Variants in CSN2 observed in about 807,000 individuals in gnomAD.
CSN2 encodes beta-casein.
Under a neutral mutation model 27.3 loss-of-function variants are expected in CSN2, and 27 were observed. The observed-to-expected ratio is 0.99, with a 90% CI of 0.73 to 1.36. The LOEUF (loss-of-function observed/expected upper bound fraction) is 1.36. Ranked by LOEUF, CSN2 falls within the 40% of genes most tolerant of loss-of-function variation. CSN2 has a pLI of 0.00. For missense variants in CSN2, 333 were observed against 264.5 expected, an observed-to-expected ratio of 1.26 and a Z score of -1.80; for synonymous variants, 131 against 94.8, an observed-to-expected ratio of 1.38 and a Z score of -2.22.
Position 69,956,220 on chromosome 4 carries a change from T to G in CSN2, c.*36+94A>C, listed in dbSNP as rs1723391205. On this transcript the variant is annotated intron_variant, in intron 7 of 7. Coordinates refer to ENST00000353151, the MANE Select transcript of CSN2 (RefSeq NM_001891.4). ...AAAAAAAGTTCTTGTATGTATGAAATTTTCACTGTATTGGACTTCTCTAGG... is the reference window on the plus strand; with the variant it reads ...AAAAAAAGTTCTTGTATGTATGAAAGTTTCACTGTATTGGACTTCTCTAGG... 4.6e-6 allele frequency: 4 copies of G among 874,382 alleles called. No individual in the cohort carries two copies. The East Asian group carries it at 1.4e-4, about 31-fold the overall frequency. The allele number at this position is 874,382 out of a possible 1,614,324, so 54.2% of individuals were successfully genotyped here.
chr4:69,962,521 T>C (rs1382883527), intron 1 of CSN2, among the ~76,000 whole-genome samples: 1 of 152,190 alleles, frequency 6.6e-6, no homozygotes, highest in Non-Finnish European at 1.5e-5. Flanking sequence ...CTGGGAAAAC[T>C]GGCTAGCCAT....
At chr4:69,965,408 C>CTA (rs756206077) in intron 1 of CSN2, among the ~76,000 whole-genome samples, 8,681 of 87,722 alleles carry the variant, frequency 0.099, 580 homozygotes, top group African/African-American at 0.14. Context: ...TAGCCTCATA[C>CTA]TATATATATA....
At chr4:69,961,127 T>C in intron 1 of CSN2, 120 bp from the exon 2 acceptor site, 1 of 591,908 alleles carries the variant, frequency 1.7e-6, no homozygotes, top group Non-Finnish European at 3.0e-6. Flanking sequence ...AACAAAAATA[T>C]CTGCATTTAG....
chr4:69,960,515 T>G (rs1207523651), intron 2 of CSN2, among the ~76,000 whole-genome samples: 1 of 151,592 alleles, frequency 6.6e-6, no homozygotes, highest in African/African-American at 2.4e-5. Context: ...TGATTATGAT[T>G]GTCTCTGTAC....
chr4:69,961,033 G>A (rs777669886), intron 1 of CSN2, 26 bp from the exon 2 acceptor site: 9 of 1,556,224 alleles, frequency 5.8e-6, no homozygotes, highest in Non-Finnish European at 7.1e-6. Flanking sequence ...AAATGGAATG[G>A]TGGAAGATTG....
At chr4:69,957,168 T>G in intron 6 of CSN2, 106 bp downstream of exon 6, 2 of 1,166,118 alleles carry the variant, frequency 1.7e-6, no homozygotes, top group Non-Finnish European at 2.4e-6. Flanking sequence ...AAAGAATCAC[T>G]TATCTAAACT....
Position 69,957,819 on chromosome 4 carries a change from A to G in CSN2, c.145-15T>C. ...TGGTGTTCATCCTGGAAAGAAGGAA[A>G]AAGAATCTTTGAGTCCTTGATTAAG... On this transcript the variant is annotated splice_polypyrimidine_tract_variant and intron_variant, in intron 5 of 7. Coordinates refer to ENST00000353151, the MANE Select transcript of CSN2 (RefSeq NM_001891.4). The G allele has an allele frequency of 5.0e-6, 8 of 1,603,380 alleles. No individual in the cohort carries two copies. Among genetic ancestry groups the G allele is most frequent in the Non-Finnish European group, 6.8e-6 (8 of 1,174,100 alleles).
At chr4:69,958,099 G>A (rs964827745) in intron 5 of CSN2, among the ~76,000 whole-genome samples, 13 of 152,292 alleles carry the variant, frequency 8.5e-5, no homozygotes, top group African/African-American at 2.9e-4. Context: ...CTGGATAGCT[G>A]TAGCTGTACA....
chr4:69,958,820 C>A, intron 5 of CSN2, 89 bp downstream of exon 5: 1 of 825,202 alleles, frequency 1.2e-6, no homozygotes, highest in South Asian at 2.2e-5. Context: ...TATTATCATT[C>A]TTTAGAATCA....
chr4:69,957,422 A>C lies in CSN2; in HGVS notation c.527T>G (p.Val176Gly). 2 of 1,613,624 alleles carry C rather than the reference A, an allele frequency of 1.2e-6. No homozygotes were observed. Among genetic ancestry groups the C allele is most frequent in the Non-Finnish European group, 1.7e-6 (2 of 1,179,884 alleles). Residue 176 changes from valine (V) to glycine (G), a missense_variant, in exon 6 of 8, where the codon GTC (valine) becomes GGC (glycine). By Grantham distance (109) the Val-to-Gly change is moderately radical (BLOSUM62 -3). Transcript: ENST00000353151. The stretch of plus-strand genomic sequence containing the variant: ...CACCACTTGCTGGGGGATAGGCAGG[A>C]CTTTGGGCTGAGGAACAGACCACAG... The part of the protein sequence containing the change: ...QPLWSVPQPK[V>G]LPIPQQVVPY...
chr4:69,957,438 C>G lies in CSN2; in HGVS notation c.511G>C (p.Val171Leu), dbSNP rs777393310. Residue 171 changes from valine to leucine, a missense_variant, in exon 6 of 8, where the codon GTT (valine) becomes CTT (leucine). By Grantham distance (32) the Val-to-Leu change is conservative. Coordinates refer to ENST00000353151, the MANE Select transcript of CSN2 (RefSeq NM_001891.4). Reference sequence around the variant, plus strand: ...ATAGGCAGGACTTTGGGCTGAGGAACAGACCACAGGGGCTGAGGGGGAAGT... The same window carrying G: ...ATAGGCAGGACTTTGGGCTGAGGAAGAGACCACAGGGGCTGAGGGGGAAGT... Reference protein sequence around the residue: ...LALPPQPLWSVPQPKVLPIPQ... With the variant: ...LALPPQPLWSLPQPKVLPIPQ... The G allele has an allele frequency of 5.0e-6, 8 of 1,613,470 alleles. No individual in the cohort carries two copies. In the African/African-American group the frequency reaches 9.4e-5, roughly 19 times the overall value.
rs143873382 is a variant in CSN2, at chr4:69,957,728, T to C, written c.221A>G (p.Tyr74Cys). The C allele has an allele frequency of 6.8e-6, 11 of 1,613,670 alleles. No homozygotes were observed. Among genetic ancestry groups the C allele is most frequent in the African/African-American group, 4.0e-5 (3 of 74,816 alleles). ...CAGAATGTTTTGTGGAAGAAAACCA[T>C]AGGGGATAGGTTCAACGAATGGATA... ...LIYPFVEPIPYGFLPQNILPL... is the reference protein window; with the variant it reads ...LIYPFVEPIPCGFLPQNILPL... Residue 74 changes from tyrosine to cysteine, a missense_variant, in exon 6 of 8, where the codon TAT (tyrosine) becomes TGT (cysteine). Tyr to Cys is a radical substitution (Grantham distance 194). Coordinates refer to ENST00000353151, the MANE Select transcript of CSN2 (RefSeq NM_001891.4).
In CSN2 at chr4:69,955,950, G is replaced by T. The variant is rs537062309; in HGVS notation, c.*37-358C>A. Among the ~76,000 whole-genome samples the T allele has an allele frequency of 3.3e-5, 5 of 152,040 alleles. No homozygotes were observed. The South Asian group carries it at 1.0e-3, about 31-fold the overall frequency. On this transcript the variant is annotated intron_variant, in intron 7 of 7. Coordinates refer to ENST00000353151, the MANE Select transcript of CSN2 (RefSeq NM_001891.4). ...GTAAATACAAATTTTATGAAGGCTA[G>T]GTTAGAAATAAAAATGCAAATAGGC...
At chr4:69,964,162 A>T (rs1723714921) in intron 1 of CSN2, among the ~76,000 whole-genome samples, 1 of 152,030 alleles carries the variant, frequency 6.6e-6, no homozygotes, top group Non-Finnish European at 1.5e-5. Context: ...ATGCCACATG[A>T]CTTTAGATAT....
chr4:69,959,018 A>G, intron 4 of CSN2, 31 bp downstream of exon 4: 1 of 1,491,440 alleles, frequency 6.7e-7, no homozygotes, highest in Admixed American at 1.8e-5. Flanking sequence ...GAAATTTTGA[A>G]AATGTGTACA....
At chr4:69,963,755 CAAAT>C (rs1382178210) in intron 1 of CSN2, among the ~76,000 whole-genome samples, 4 of 151,864 alleles carry the variant, frequency 2.6e-5, no homozygotes, top group Admixed American at 6.6e-5. Context: ...TTTCAAAAGA[CAAAT>C]AAAATTTAAA....
chr4:69,956,829 C>T lies in CSN2; in HGVS notation c.675+445G>A, dbSNP rs2130941. On this transcript the variant is annotated intron_variant, in intron 6 of 7. Coordinates refer to ENST00000353151, the MANE Select transcript of CSN2 (RefSeq NM_001891.4). ...AGTTTTTTTCTCAACACTCAGTTTC[C>T]TCTACACAAAAAACTAGAACAATTA... Among the ~76,000 whole-genome samples the T allele has an allele frequency of 1.0e-3, 153 of 152,204 alleles. 2 individuals carry two copies. The highest frequency in any genetic ancestry group is 3.4e-3 in the African/African-American group (140 of 41,526).
Position 69,955,393 on chromosome 4 carries a change from C to T in CSN2, c.*236G>A, listed in dbSNP as rs529133949. On this transcript the variant is annotated 3_prime_UTR_variant, in exon 8 of 8. Transcript: ENST00000353151. Reference sequence around the variant, plus strand: ...GCATTTCCAAATGAGTATTGAACTTCTGTGGTACTAGTTGAATTAAGATTT... The same window carrying T: ...GCATTTCCAAATGAGTATTGAACTTTTGTGGTACTAGTTGAATTAAGATTT... The T allele has an allele frequency of 3.7e-4, 56 of 152,430 alleles. No individual in the cohort carries two copies. The highest frequency in any genetic ancestry group is 7.4e-4 in the Non-Finnish European group (50 of 67,952). 9.4% of individuals were successfully genotyped at this position (152,430 alleles called of 1,614,324 possible). A position where few individuals can be genotyped will look rare whatever the true frequency, so the allele number is the denominator to read the frequency against.
At position 69,957,363 on chromosome 4, in the gene CSN2, G is replaced by A. The variant is rs115451626; in HGVS notation, c.586C>T (p.Leu196Phe). Residue 196 changes from leucine (L) to phenylalanine (F), a missense_variant, in exon 6 of 8, where the codon CTT becomes TTT. By Grantham distance (22) the Leu-to-Phe change is conservative. Coordinates refer to ENST00000353151, the MANE Select transcript of CSN2 (RefSeq NM_001891.4). ...YPQRAVPVQA[L>F]LLNQELLLNP... is the part of the protein sequence containing the mutation. ...AGTAGAAGTTCTTGGTTGAGCAGAAGGGCTTGAACAGGCACAGCTCTCTGA... is the reference window on the plus strand; with the variant it reads ...AGTAGAAGTTCTTGGTTGAGCAGAAAGGCTTGAACAGGCACAGCTCTCTGA... 3,611 of 1,613,224 alleles carry A rather than the reference G, an allele frequency of 2.2e-3. 76 individuals are homozygous for A. The African/African-American group carries it at 0.044, about 20-fold the overall frequency.
Sources: allele counts gnomAD v4.1 joint callset (sites outside exome capture counted in the v4.1 genomes callset), GRCh38; gene constraint gnomAD v4.1.1; transcripts MANE v1.5; gene names NCBI Gene and HGNC (gene_info 2026-07-23, HGNC 2026-07-21).